EPHA5: variants seen among roughly 807,000 people sequenced by gnomAD.
EPHA5 encodes ephrin type-A receptor 5.
A neutral mutation model predicts 105.0 loss-of-function variants in EPHA5; 60 were observed. The observed-to-expected ratio is 0.57, with a 90% CI of 0.46 to 0.71. The LOEUF (loss-of-function observed/expected upper bound fraction) is 0.71, where lower values mean the gene tolerates loss of function less well. EPHA5 is among the 30% of genes least tolerant of loss of function. The pLI, the probability that EPHA5 is intolerant of heterozygous loss-of-function variation, is 0.00. For missense variants in EPHA5, 1,218 were observed against 1,274.7 expected (o/e 0.96, Z 0.68); for synonymous variants, 513 against 449.1 (o/e 1.14, Z -1.80).
rs1482401604 is a variant in EPHA5, at chr4:65,320,978, A to G, written c.*3136T>C. 1.7e-5 allele frequency: 4 copies of G among 230,406 alleles called. No homozygotes were observed. The highest frequency in any genetic ancestry group is 3.4e-5 in the Non-Finnish European group (4 of 116,274). The allele number at this position is 230,406 out of a possible 1,614,324, so 14.3% of individuals were successfully genotyped here. On this transcript the variant is annotated 3_prime_UTR_variant, in exon 17 of 17. Transcript: ENST00000613740. Reference sequence around the variant, plus strand: ...ACAATTTTAAAACATAGGAAAATCAAAATCTTTACATCTTTACATAGAAAT... The same window carrying G: ...ACAATTTTAAAACATAGGAAAATCAGAATCTTTACATCTTTACATAGAAAT...
chr4:65,348,689 T>TAAA (rs1560437808), intron 13 of EPHA5, among the ~76,000 whole-genome samples: 5 of 44,936 alleles, frequency 1.1e-4, no homozygotes, highest in African/African-American at 4.7e-4. Flanking sequence ...TATATATATA[T>TAAA]ATATATATAA....
intron 3 of EPHA5, among the ~76,000 whole-genome samples, chr4:65,520,793 A>G (rs1390636162): frequency 6.6e-6 from 1 of 152,220 alleles, no homozygotes; most frequent in Admixed American, 6.5e-5. Context: ...ATCACTGGCC[A>G]TCAGAGAAAT....
intron 14 of EPHA5, among the ~76,000 whole-genome samples, chr4:65,347,124 C>G (rs1357219982): frequency 2.6e-5 from 4 of 152,028 alleles, no homozygotes; most frequent in Admixed American, 2.6e-4. Flanking sequence ...TCTAACCAAC[C>G]CTGAAGGCAT....
At chr4:65,406,910 C>T (rs777564904) in intron 7 of EPHA5, among the ~76,000 whole-genome samples, 6 of 151,964 alleles carry the variant, frequency 3.9e-5, no homozygotes, top group Non-Finnish European at 5.9e-5. Context: ...TTTCTTTGAA[C>T]TGTTACTAAA....
At chr4:65,632,535 C>CA (rs35050180) in intron 2 of EPHA5, among the ~76,000 whole-genome samples, 41,938 of 125,808 alleles carry the variant, frequency 0.33, 6,608 homozygotes, top group African/African-American at 0.38. Flanking sequence ...CAATTTTCAG[C>CA]AAAAAAAAAA....
chr4:65,347,659 A>G (rs965708909), intron 14 of EPHA5, among the ~76,000 whole-genome samples: 16 of 152,196 alleles, frequency 1.1e-4, no homozygotes, highest in African/African-American at 3.9e-4. Context: ...TCCACTATTA[A>G]ATCAATATCA....
intron 3 of EPHA5, among the ~76,000 whole-genome samples, chr4:65,581,159 G>C (rs527410453): frequency 1.3e-5 from 2 of 151,740 alleles, no homozygotes; most frequent in East Asian, 1.9e-4. Flanking sequence ...TTGGTGACTC[G>C]GGTCCTTTTC....
At chr4:65,432,558 C>T (rs887057422) in intron 5 of EPHA5, among the ~76,000 whole-genome samples, 14 of 151,552 alleles carry the variant, frequency 9.2e-5, no homozygotes, top group African/African-American at 3.2e-4. Flanking sequence ...TGTTTTTGTT[C>T]ATGTTTTTGG....
At chr4:65,385,203 A>G (rs1256629142) in intron 8 of EPHA5, among the ~76,000 whole-genome samples, 1 of 151,916 alleles carries the variant, frequency 6.6e-6, no homozygotes, top group Non-Finnish European at 1.5e-5. Flanking sequence ...ATCAATTAAA[A>G]ATATGAGTGG....
At chr4:65,574,966 C>T (rs1434365560) in intron 3 of EPHA5, among the ~76,000 whole-genome samples, 1 of 151,608 alleles carries the variant, frequency 6.6e-6, no homozygotes, top group Non-Finnish European at 1.5e-5. Flanking sequence ...GGTTTCCTTT[C>T]TAGTGATACA....
In EPHA5 at chr4:65,490,542, T is replaced by C. The variant is rs1415226499; in HGVS notation, c.1237A>G (p.Arg413Gly). Residue 413 changes from arginine (R) to glycine (G), a missense_variant, in exon 5 of 17, where the codon AGG becomes GGG. Transcript: ENST00000613740. ...AGGCCGCTTTGCCGGGGAAGGTACC[T>C]GACATGACCGCCACACTCCTCACAC... The part of the protein sequence containing the change: ...GVCEECGGHV[R>G]YLPRQSGLKN... The C allele has an allele frequency of 6.2e-7, 1 of 1,614,138 alleles. No individual in the cohort carries two copies. Among genetic ancestry groups the C allele is most frequent in the Admixed American group, 1.7e-5 (1 of 60,008 alleles).
At chr4:65,516,628 C>T (rs956108606) in intron 3 of EPHA5, among the ~76,000 whole-genome samples, 1 of 152,032 alleles carries the variant, frequency 6.6e-6, no homozygotes, top group African/African-American at 2.4e-5. Flanking sequence ...TTCTGGAGAA[C>T]ACTGAATAAT....
chr4:65,544,019 G>A (rs34866185), intron 3 of EPHA5, among the ~76,000 whole-genome samples: 36,394 of 151,796 alleles, frequency 0.24, 4,469 homozygotes, highest in Admixed American at 0.28. Flanking sequence ...CTAGCTAGCC[G>A]TATGCAGAAA....
In EPHA5 at chr4:65,323,771, G is replaced by A. The variant is rs1014335432; in HGVS notation, c.*343C>T. On this transcript the variant is annotated 3_prime_UTR_variant, in exon 17 of 17. Coordinates refer to ENST00000613740, the MANE Select transcript of EPHA5 (RefSeq NM_001281766.3). Reference sequence around the variant, plus strand: ...TAGATCCCTGGAAGTTTTGAAAGGGGTTGCCTTAATTCAGTCTATAAAAGT... The same window carrying A: ...TAGATCCCTGGAAGTTTTGAAAGGGATTGCCTTAATTCAGTCTATAAAAGT... The A allele has an allele frequency of 8.6e-6, 2 of 233,788 alleles. No homozygotes were observed. The highest frequency in any genetic ancestry group is 4.4e-5 in the African/African-American group (2 of 45,250). The allele number at this position is 233,788 out of a possible 1,614,324, so 14.5% of individuals were successfully genotyped here. A position where few individuals can be genotyped will look rare whatever the true frequency, so the allele number is the denominator to read the frequency against.
chr4:65,639,346 C>T (rs955765601), intron 2 of EPHA5, among the ~76,000 whole-genome samples: 1 of 152,158 alleles, frequency 6.6e-6, no homozygotes, highest in African/African-American at 2.4e-5. Context: ...TTTTGAAAGG[C>T]AGTTTTCCTG....
rs1266398453 is a variant in EPHA5, at chr4:65,670,255, G to A, written c.-513C>T. On this transcript the variant is annotated 5_prime_UTR_variant, in exon 1 of 17. Coordinates refer to ENST00000613740, the MANE Select transcript of EPHA5 (RefSeq NM_001281766.3). ...GAGAAAATGTGGAGAATGAAAAACA[G>A]GAGAGCAGCGAGCAAAAGCAAAGAT... The A allele has an allele frequency of 8.5e-6, 2 of 234,042 alleles. No individual in the cohort carries two copies. The highest frequency in any genetic ancestry group is 4.4e-5 in the African/African-American group (2 of 45,400). The allele number at this position is 234,042 out of a possible 1,614,324, so 14.5% of individuals were successfully genotyped here.
chr4:65,406,528 A>G (rs569220738), intron 7 of EPHA5, among the ~76,000 whole-genome samples: 54 of 152,218 alleles, frequency 3.5e-4, no homozygotes, highest in African/African-American at 1.3e-3. Flanking sequence ...ACAGCAATGT[A>G]TGAATGATTC....
chr4:65,509,517 G>T (rs746815242), intron 3 of EPHA5, among the ~76,000 whole-genome samples: 1 of 152,112 alleles, frequency 6.6e-6, no homozygotes, highest in African/African-American at 2.4e-5. Context: ...TGATTATAGG[G>T]ATGGTTAGAA....
At chr4:65,546,803 AC>A (rs1226199628) in intron 3 of EPHA5, among the ~76,000 whole-genome samples, 2 of 152,110 alleles carry the variant, frequency 1.3e-5, no homozygotes, top group African/African-American at 4.8e-5. Context: ...ATTTTAAATA[AC>A]CATTGAGTTC....
Sources: allele counts gnomAD v4.1 joint callset (sites outside exome capture counted in the v4.1 genomes callset), GRCh38; gene constraint gnomAD v4.1.1; transcripts MANE v1.5; gene names NCBI Gene and HGNC (gene_info 2026-07-23, HGNC 2026-07-21).